RRN3: variants seen among roughly 807,000 people sequenced by gnomAD.
The protein encoded by RRN3 is RNA polymerase I transcription factor RRN3, also known as RNA polymerase I-specific transcription initiation factor RRN3.
Under a neutral mutation model 82.3 loss-of-function variants are expected in RRN3, and 38 were observed. That is an observed-to-expected ratio of 0.46 (90% confidence interval 0.36 to 0.61). The LOEUF is 0.61. RRN3 is among the 20% of genes least tolerant of loss of function. The pLI is 0.00. For synonymous variants in RRN3, 284 were observed against 284.3 expected, an observed-to-expected ratio of 1.00 and a Z score of 0.01; for missense variants, 726 against 793.1, an observed-to-expected ratio of 0.92 and a Z score of 1.02.
intron 10 of RRN3, 42 bp from the exon 11 acceptor site, chr16:15,074,903 T>C (rs4985147): frequency 0.58 from 897,175 of 1,555,326 alleles, 264,170 homozygotes; most frequent in Admixed American, 0.67. Flanking sequence ...AAAAATTCAA[T>C]GTCAAAGTGG....
intron 9 of RRN3, among the ~76,000 whole-genome samples, chr16:15,078,045 T>C (rs1420289708): frequency 2.0e-5 from 3 of 152,322 alleles, no homozygotes; most frequent in Admixed American, 1.3e-4. Flanking sequence ...TATATCACCA[T>C]TCAAATATCT....
intron 3 of RRN3, among the ~76,000 whole-genome samples, chr16:15,091,036 G>A (rs1437683020): frequency 2.0e-5 from 3 of 152,160 alleles, no homozygotes; most frequent in Non-Finnish European, 2.9e-5. Flanking sequence ...GGTTCTGGGA[G>A]GCTGTCCTGT....
rs2045162205 is a variant in RRN3 at position 15,070,206 on chromosome 16, G to C, written c.1308C>G (p.Tyr436Ter). Reference protein sequence around the residue: ...LDLLVNWLHIYLNNQDSGTKA... With the variant: ...LDLLVNWLHI ...TTGTTCCCGAATCCTGGTTATTAAG[G>C]TATATGTGCAGCCAGTTAACCAAAA... The change falls in exon 14 of 18, where the codon TAC becomes TAG. Residue 436 changes from tyrosine (Y) to a stop codon, truncating the protein, a stop_gained. Coordinates refer to ENST00000198767, the MANE Select transcript of RRN3 (RefSeq NM_018427.5). LOFTEE classifies it high-confidence loss of function. The C allele has an allele frequency of 6.2e-7, 1 of 1,606,846 alleles. No individual in the cohort carries two copies. Among genetic ancestry groups the C allele is most frequent in the East Asian group, 2.2e-5 (1 of 44,826 alleles).
intron 3 of RRN3, among the ~76,000 whole-genome samples, chr16:15,089,668 C>A (rs1022178696): frequency 6.7e-6 from 1 of 148,928 alleles, no homozygotes; most frequent in African/African-American, 2.5e-5. Context: ...GCGGTGGTGG[C>A]GGGCGAGTGT....
At chr16:15,091,814 A>G (rs2046140008) in intron 2 of RRN3, among the ~76,000 whole-genome samples, 1 of 152,190 alleles carries the variant, frequency 6.6e-6, no homozygotes, top group African/African-American at 2.4e-5. Flanking sequence ...AACTACCACA[A>G]AAACAAAAAT....
intron 16 of RRN3, 129 bp downstream of exon 16, chr16:15,065,090 C>T (rs550572682): frequency 1.9e-5 from 17 of 883,386 alleles, no homozygotes; most frequent in South Asian, 3.6e-5. Context: ...GGTGTGAACC[C>T]GGGAGGCGGA....
Position 15,091,377 on chromosome 16 carries a change from C to T in RRN3, c.196-6G>A. The T allele has an allele frequency of 6.3e-7, 1 of 1,575,086 alleles. No individual in the cohort carries two copies. The highest frequency in any genetic ancestry group is 8.7e-7 in the Non-Finnish European group (1 of 1,150,970). ...TCAAAGTCATTTGTTTCACCCTTAACAAGAAGGGGAAAGAATTAAGTTATG... is the reference window on the plus strand; with the variant it reads ...TCAAAGTCATTTGTTTCACCCTTAATAAGAAGGGGAAAGAATTAAGTTATG... On this transcript the variant is annotated splice_polypyrimidine_tract_variant and splice_region_variant and intron_variant, in intron 2 of 17. Transcript: ENST00000198767.
intron 16 of RRN3, among the ~76,000 whole-genome samples, chr16:15,063,605 G>A (rs1597868420): frequency 6.6e-6 from 1 of 151,286 alleles, no homozygotes; most frequent in Non-Finnish European, 1.5e-5. Context: ...CTACTCGGGA[G>A]GCTGAGGCAG....
At chr16:15,091,204 G>A in intron 3 of RRN3, 111 bp downstream of exon 3, 1 of 1,309,118 alleles carries the variant, frequency 7.6e-7, no homozygotes, top group South Asian at 1.4e-5. Context: ...TAAAATAAGG[G>A]AGGACCATGG....
chr16:15,072,723 G>T (rs1443494768), intron 12 of RRN3, among the ~76,000 whole-genome samples: 2 of 152,166 alleles, frequency 1.3e-5, no homozygotes, highest in Non-Finnish European at 2.9e-5. Flanking sequence ...TTGAGCCCAA[G>T]AGGTGGAGGT....
At chr16:15,084,804 G>A (rs1279696904) in intron 6 of RRN3, 99 bp from the exon 7 acceptor site, 26 of 840,322 alleles carry the variant, frequency 3.1e-5, no homozygotes, top group East Asian at 8.0e-5. Flanking sequence ...AGTGGCTCAC[G>A]CCTGTAATCC....
chr16:15,065,877 T>C (rs1352220118), intron 15 of RRN3, among the ~76,000 whole-genome samples: 2 of 152,222 alleles, frequency 1.3e-5, no homozygotes, highest in African/African-American at 4.8e-5. Flanking sequence ...GACACGGGGT[T>C]GACTAAGTCA....
chr16:15,087,806 A>C (rs2045967383), intron 3 of RRN3, among the ~76,000 whole-genome samples: 1 of 152,228 alleles, frequency 6.6e-6, no homozygotes, highest in Non-Finnish European at 1.5e-5. Context: ...ATAACATTTA[A>C]ACTGTACCAT....
chr16:15,076,068 C>T (rs758384159), intron 10 of RRN3, among the ~76,000 whole-genome samples: 5 of 152,120 alleles, frequency 3.3e-5, no homozygotes, highest in Non-Finnish European at 7.4e-5. Flanking sequence ...CAGGCTGTAG[C>T]GACCTCCCAA....
intron 9 of RRN3, among the ~76,000 whole-genome samples, chr16:15,078,812 CTTTTTTT>C (rs5816111): frequency 8.5e-6 from 1 of 117,640 alleles, no homozygotes; most frequent in Non-Finnish European, 1.9e-5. Flanking sequence ...GTATTTTTTT[CTTTTTTT>C]TTTTTTTTTT....
At chr16:15,072,447 A>AT (rs2045276852) in intron 12 of RRN3, among the ~76,000 whole-genome samples, 1 of 152,150 alleles carries the variant, frequency 6.6e-6, no homozygotes, top group African/African-American at 2.4e-5. Flanking sequence ...GCAGGATGAC[A>AT]TTTTCGGAGC....
chr16:15,090,647 C>T (rs551537201), intron 3 of RRN3, among the ~76,000 whole-genome samples: 11 of 152,296 alleles, frequency 7.2e-5, no homozygotes, highest in African/African-American at 2.6e-4. Flanking sequence ...TTCTTGGTTT[C>T]ACACAGTGGA....
intron 14 of RRN3, 90 bp from the exon 15 acceptor site, chr16:15,068,367 T>A (rs1265504758): frequency 2.8e-6 from 4 of 1,449,758 alleles, no homozygotes; most frequent in Non-Finnish European, 3.7e-6. Flanking sequence ...ATCACACATT[T>A]AAAAAAAACT....
At chr16:15,093,322 C>G (rs571970483) in intron 1 of RRN3, among the ~76,000 whole-genome samples, 4 of 152,140 alleles carry the variant, frequency 2.6e-5, no homozygotes, top group Admixed American at 6.5e-5. Context: ...TGTCTTCATT[C>G]AAGTGGAAGC....
Sources: allele counts gnomAD v4.1 joint callset (sites outside exome capture counted in the v4.1 genomes callset), GRCh38; gene constraint gnomAD v4.1.1; transcripts MANE v1.5; gene names NCBI Gene and HGNC (gene_info 2026-07-23, HGNC 2026-07-21).